The following MRPS27 variants were observed in gnomAD, a reference collection of about 807,000 sequenced individuals.
MRPS27 encodes the protein mitochondrial ribosomal protein S27, also known as small ribosomal subunit protein mS27.
A neutral mutation model predicts 48.9 loss-of-function variants in MRPS27; 43 were observed. The observed-to-expected ratio is 0.88, with a 90% CI of 0.69 to 1.13. The LOEUF is 1.13. MRPS27 is among the 50% of genes most tolerant of loss of function. MRPS27 has a pLI of 0.00. For missense variants in MRPS27, 467 were observed against 476.3 expected, an observed-to-expected ratio of 0.98 and a Z score of 0.18; for synonymous variants, 188 against 171.9, an observed-to-expected ratio of 1.09 and a Z score of -0.73.
chr5:72,231,377 C>T (rs996873919), intron 7 of MRPS27, among the ~76,000 whole-genome samples: 4 of 152,112 alleles, frequency 2.6e-5, no homozygotes, highest in African/African-American at 9.7e-5. Flanking sequence ...CCCTTCCTAA[C>T]CAATTTAAGT....
intron 4 of MRPS27, chr5:72,294,490 T>C (rs1389581748): frequency 6.6e-6 from 1 of 152,172 alleles, no homozygotes; most frequent in Non-Finnish European, 1.5e-5. Context: ...AAATCACAAA[T>C]CAGATTTTTA....
intron 2 of MRPS27, among the ~76,000 whole-genome samples, chr5:72,308,779 T>C (rs1231473729): frequency 2.6e-5 from 4 of 152,200 alleles, no homozygotes; most frequent in Non-Finnish European, 5.9e-5. Context: ...CAGTACACAG[T>C]AGGAAAAAGT....
At chr5:72,292,061 T>C (rs1032918025) in intron 4 of MRPS27, among the ~76,000 whole-genome samples, 1 of 152,230 alleles carries the variant, frequency 6.6e-6, no homozygotes, top group Non-Finnish European at 1.5e-5. Context: ...TTTTTTATTA[T>C]CTTATTTAAG....
At chr5:72,241,469 G>A (rs1471028423) in intron 4 of MRPS27, 1 of 583,678 alleles carries the variant, frequency 1.7e-6, no homozygotes, top group African/African-American at 1.9e-5. Flanking sequence ...TACGTGAGTG[G>A]CTATCTGGAA....
chr5:72,269,512 A>G (rs954223924), intron 4 of MRPS27, among the ~76,000 whole-genome samples: 8 of 152,256 alleles, frequency 5.3e-5, no homozygotes, highest in African/African-American at 1.9e-4. Flanking sequence ...CTAGCAAGCT[A>G]TAATAATTAA....
In MRPS27 at chr5:72,320,165, AG is replaced by A. The variant is rs1750716158; in HGVS notation, c.56del (p.Pro19LeufsTer17). 1.2e-6 allele frequency: 2 copies of A among 1,613,952 alleles called. No homozygotes were observed. The highest frequency in any genetic ancestry group is 2.2e-5 in the East Asian group (1 of 44,864). Reference sequence around the variant, plus strand: ...CCGGCCAACCTGCAGGAGAGAGCTGAGGAAGAACCACTTGCCGCGCCAGGAG... The same window carrying A: ...CCGGCCAACCTGCAGGAGAGAGCTGAGAAGAACCACTTGCCGCGCCAGGAG... ...GMLLARQVVL[P>X]QLSPAGKRYL... is the part of the protein sequence containing the mutation. On this transcript the variant is annotated frameshift_variant, in exon 1 of 11. Coordinates refer to ENST00000261413, the MANE Select transcript of MRPS27 (RefSeq NM_015084.3). LOFTEE classifies it high-confidence loss of function.
Position 72,220,677 on chromosome 5 carries a change from T to C in MRPS27, c.*232A>G. On this transcript the variant is annotated 3_prime_UTR_variant, in exon 11 of 11. Transcript: ENST00000261413. ...CATTATGAGCCTCAAGAGTCCTCCT[T>C]AAGGTATTCAGCTGGTGACTTCAGT... The C allele has an allele frequency of 3.5e-6, 2 of 573,878 alleles. No homozygotes were observed. The highest frequency in any genetic ancestry group is 4.6e-5 in the South Asian group (2 of 43,242). The allele number at this position is 573,878 out of a possible 1,614,324, so 35.5% of individuals were successfully genotyped here.
intron 2 of MRPS27, among the ~76,000 whole-genome samples, chr5:72,312,690 G>A (rs1466398017): frequency 1.3e-5 from 2 of 148,846 alleles, no homozygotes; most frequent in Non-Finnish European, 3.0e-5. Flanking sequence ...GCAAGATCTC[G>A]GCTCACTGCA....
chr5:72,285,415 A>T (rs999880685), intron 4 of MRPS27, among the ~76,000 whole-genome samples: 3 of 152,232 alleles, frequency 2.0e-5, no homozygotes, highest in African/African-American at 7.2e-5. Flanking sequence ...TTTGTTACAT[A>T]AATTCAGTAA....
intron 4 of MRPS27, among the ~76,000 whole-genome samples, chr5:72,294,131 C>G (rs1040436724): frequency 2.0e-5 from 3 of 151,918 alleles, no homozygotes; most frequent in South Asian, 2.1e-4. Flanking sequence ...ATCTAGCCTA[C>G]TTGAGGTTTA....
chr5:72,273,708 T>G (rs991658554), intron 4 of MRPS27, among the ~76,000 whole-genome samples: 2 of 152,206 alleles, frequency 1.3e-5, no homozygotes, highest in African/African-American at 4.8e-5. Flanking sequence ...TTACCATGAA[T>G]AGAGCTTGTA....
At position 72,223,729 on chromosome 5, in the gene MRPS27, T is replaced by A; in HGVS notation, c.959A>T (p.Glu320Val). The change falls in exon 10 of 11, where the codon GAG (glutamate) becomes GTG (valine). Residue 320 changes from glutamate to valine, a missense_variant. By Grantham distance (121) the Glu-to-Val change is moderately radical (BLOSUM62 -2). Transcript: ENST00000261413. Reference protein sequence around the residue: ...SEKLVEQLDIEETEQSKLPQY... With the variant: ...SEKLVEQLDIVETEQSKLPQY... ...AGGAAGCTTGGACTGCTCTGTTTCCTCGATGTCTAACTGCTCCACCAGTTT... is the reference window on the plus strand; with the variant it reads ...AGGAAGCTTGGACTGCTCTGTTTCCACGATGTCTAACTGCTCCACCAGTTT... The A allele has an allele frequency of 6.2e-7, 1 of 1,614,066 alleles. No homozygotes were observed. The highest frequency in any genetic ancestry group is 1.1e-5 in the South Asian group (1 of 91,070).
rs547652918 is a variant in MRPS27 at position 72,232,389 on chromosome 5, C to G, written c.591+54G>C. ...CCTTTTTCCAGCTTTTGAGAGCAAGCCCCTGCTTGCCTTTTCTAAAGTTCT... is the reference window on the plus strand; with the variant it reads ...CCTTTTTCCAGCTTTTGAGAGCAAGGCCCTGCTTGCCTTTTCTAAAGTTCT... On this transcript the variant is annotated intron_variant, in intron 7 of 10. Coordinates refer to ENST00000261413, the MANE Select transcript of MRPS27 (RefSeq NM_015084.3). 1.8e-4 allele frequency: 240 copies of G among 1,346,402 alleles called. No homozygotes were observed. The South Asian group carries it at 3.0e-3, about 17-fold the overall frequency. The allele number at this position is 1,346,402 out of a possible 1,614,324, so 83.4% of individuals were successfully genotyped here.
rs539047121 is a variant in MRPS27, at chr5:72,261,243, G to A, written c.282-23115C>T. On this transcript the variant is annotated intron_variant, in intron 4 of 10. Coordinates refer to ENST00000261413, the MANE Select transcript of MRPS27 (RefSeq NM_015084.3). ...GTGATTATAATGCTGATCAGGAAAC[G>A]TATGTATGTATGTATGTATGTATGT... Among the ~76,000 whole-genome samples, 7 of 151,530 alleles carry A rather than the reference G, an allele frequency of 4.6e-5. No homozygotes were observed. In the South Asian group the frequency reaches 1.3e-3, roughly 27 times the overall value.
intron 2 of MRPS27, among the ~76,000 whole-genome samples, chr5:72,311,385 A>G (rs1001472512): frequency 6.6e-6 from 1 of 152,244 alleles, no homozygotes; most frequent in Non-Finnish European, 1.5e-5. Flanking sequence ...ACAGGTGAAC[A>G]TGAGTAAAAG....
At chr5:72,304,875 T>C (rs1750218622) in intron 2 of MRPS27, among the ~76,000 whole-genome samples, 1 of 152,246 alleles carries the variant, frequency 6.6e-6, no homozygotes, top group African/African-American at 2.4e-5. Context: ...AAACTCTTTC[T>C]GGGCTTATGG....
chr5:72,261,622 A>G (rs1316088466), intron 4 of MRPS27, among the ~76,000 whole-genome samples: 2 of 152,226 alleles, frequency 1.3e-5, no homozygotes, highest in African/African-American at 2.4e-5. Flanking sequence ...ATAAATATTC[A>G]TACTTTCAGA....
intron 4 of MRPS27, among the ~76,000 whole-genome samples, chr5:72,261,526 A>AC (rs1276459861): frequency 6.6e-6 from 1 of 152,008 alleles, no homozygotes; most frequent in Non-Finnish European, 1.5e-5. Context: ...AAAAAAAAAA[A>AC]CAAAAACTGT....
At chr5:72,228,924 T>C (rs1376697261) in intron 7 of MRPS27, 2 of 152,202 alleles carry the variant, frequency 1.3e-5, no homozygotes, top group Admixed American at 6.5e-5. Flanking sequence ...TCAGAAACAG[T>C]GATCGCTTCT....
Sources: gnomAD v4.1 joint callset for allele counts (sites outside exome capture counted in the v4.1 genomes callset) on GRCh38, gnomAD v4.1.1 for gene constraint, MANE v1.5 for transcripts, NCBI Gene and HGNC (gene_info 2026-07-23, HGNC 2026-07-21) for gene names.